PTGFR: variants seen among roughly 807,000 people sequenced by gnomAD.
PTGFR encodes prostaglandin F2-alpha receptor.
A neutral mutation model predicts 26.2 loss-of-function variants in PTGFR; 15 were observed. The ratio of observed to expected loss-of-function variants is 0.57; its 90% CI spans 0.38 to 0.88. The LOEUF (loss-of-function observed/expected upper bound fraction) is 0.88. PTGFR is among the 40% of genes least tolerant of loss of function. The pLI is 0.00. For synonymous variants in PTGFR, 165 were observed against 151.1 expected (o/e 1.09, Z -0.68); for missense variants, 369 against 427.2 (o/e 0.86, Z 1.20).
chr1:78,513,292 C>T (rs879346512), intron 2 of PTGFR, among the ~76,000 whole-genome samples: 3 of 151,726 alleles, frequency 2.0e-5, no homozygotes, highest in East Asian at 1.9e-4. Flanking sequence ...GATGGAAATA[C>T]GGACAAAGAA....
intron 2 of PTGFR, among the ~76,000 whole-genome samples, chr1:78,527,933 T>C (rs1246995048): frequency 6.6e-6 from 1 of 152,008 alleles, no homozygotes; most frequent in Non-Finnish European, 1.5e-5. Flanking sequence ...AGTTGACGGT[T>C]TAATGGAGTC....
chr1:78,520,050 T>G (rs1165066312), intron 2 of PTGFR, among the ~76,000 whole-genome samples: 4 of 152,146 alleles, frequency 2.6e-5, no homozygotes, highest in Non-Finnish European at 4.4e-5. Context: ...CTTTTCATGC[T>G]GTGCTTAGTA....
chr1:78,510,871 G>A (rs1008935731), intron 2 of PTGFR, among the ~76,000 whole-genome samples: 2 of 152,166 alleles, frequency 1.3e-5, no homozygotes, highest in African/African-American at 2.4e-5. Context: ...CCCAAAGGGG[G>A]AAATAGGCTA....
In PTGFR at chr1:78,492,765, C is replaced by T. The variant is rs1407878873; in HGVS notation, c.22C>T (p.Gln8Ter). The change falls in exon 2 of 3, where the codon CAG becomes TAG. Residue 8 changes from glutamine (Q) to a stop codon, truncating the protein, a stop_gained. Coordinates refer to ENST00000370757, the MANE Select transcript of PTGFR (RefSeq NM_000959.4). LOFTEE classifies it high-confidence loss of function. Reference sequence around the variant, plus strand: ...AACAATGTCCATGAACAATTCCAAACAGCTAGTGTCTCCTGCAGCTGCGCT... The same window carrying T: ...AACAATGTCCATGAACAATTCCAAATAGCTAGTGTCTCCTGCAGCTGCGCT... MSMNNSK[Q>*]LVSPAAALLS... is the part of the protein sequence containing the mutation. 1 of 1,613,356 alleles carries T rather than the reference C, an allele frequency of 6.2e-7. No homozygotes were observed. The highest frequency in any genetic ancestry group is 2.2e-5 in the East Asian group (1 of 44,882).
intron 2 of PTGFR, among the ~76,000 whole-genome samples, chr1:78,520,673 G>A (rs1650201484): frequency 6.6e-6 from 1 of 151,958 alleles, no homozygotes; most frequent in South Asian, 2.1e-4. Context: ...ATTGGTTTGG[G>A]ATCAATCATG....
Position 78,492,951 on chromosome 1 carries a change from G to A in PTGFR, c.208G>A (p.Ala70Thr), listed in dbSNP as rs772074577. 3.1e-6 allele frequency: 5 copies of A among 1,614,218 alleles called. No homozygotes were observed. The South Asian group carries it at 4.4e-5, about 14-fold the overall frequency. Residue 70 changes from alanine to threonine, a missense_variant, in exon 2 of 3, where the codon GCC becomes ACC. Ala to Thr is a moderately conservative substitution (Grantham distance 58, BLOSUM62 0). Coordinates refer to ENST00000370757, the MANE Select transcript of PTGFR (RefSeq NM_000959.4). Reference protein sequence around the residue: ...QKSKASFLLLASGLVITDFFG... With the variant: ...QKSKASFLLLTSGLVITDFFG... ...GTCCAAGGCATCGTTTCTGCTTTTG[G>A]CCAGTGGCCTGGTAATCACTGATTT...
chr1:78,530,936 C>A lies in PTGFR; in HGVS notation c.799-5470C>A, dbSNP rs567056780. Among the ~76,000 whole-genome samples the A allele has an allele frequency of 5.9e-5, 9 of 152,228 alleles. No homozygotes were observed. The South Asian group carries it at 8.3e-4, about 14-fold the overall frequency. On this transcript the variant is annotated intron_variant, in intron 2 of 2. Transcript: ENST00000370757. ...TTGGCAATATCAGAAAGATAGCAACCACCTCTGGGGGTTTTAGGAGGATGA... is the reference window on the plus strand; with the variant it reads ...TTGGCAATATCAGAAAGATAGCAACAACCTCTGGGGGTTTTAGGAGGATGA...
chr1:78,497,590 T>C (rs2100351810), intron 2 of PTGFR, among the ~76,000 whole-genome samples: 2 of 152,284 alleles, frequency 1.3e-5, no homozygotes, highest in Middle Eastern at 6.8e-3. Flanking sequence ...TATGCAAGCC[T>C]AAAAGGAATT....
In PTGFR at chr1:78,536,526, C is replaced by G; in HGVS notation, c.919C>G (p.Leu307Val). The change falls in exon 3 of 3, where the codon CTA (leucine) becomes GTA (valine). Residue 307 changes from leucine (L) to valine (V), a missense_variant. Physicochemically the swap from Leu to Val is conservative, Grantham distance 32. Coordinates refer to ENST00000370757, the MANE Select transcript of PTGFR (RefSeq NM_000959.4). ...CTTAGATCCTTGGGTATATATTCTT[C>G]TACGAAAGGCTGTCCTTAAGAATCT... Reference protein sequence around the residue: ...QILDPWVYILLRKAVLKNLYK... With the variant: ...QILDPWVYILVRKAVLKNLYK... The G allele has an allele frequency of 6.2e-7, 1 of 1,613,314 alleles. No homozygotes were observed. Among genetic ancestry groups the G allele is most frequent in the Non-Finnish European group, 8.5e-7 (1 of 1,179,476 alleles).
intron 2 of PTGFR, among the ~76,000 whole-genome samples, chr1:78,503,464 G>A (rs1016603517): frequency 3.9e-5 from 6 of 152,220 alleles, no homozygotes; most frequent in African/African-American, 9.6e-5. Context: ...GTTCATTTAC[G>A]TTTTCATTTA....
In PTGFR at chr1:78,492,711, T is replaced by G. The variant is rs762936038; in HGVS notation, c.-33T>G. ...ATCCTGCACAGTTTTGAGAGGGAGA[T>G]GACTTGAGTGGTTGGCTTTTATCTC... On this transcript the variant is annotated 5_prime_UTR_variant, in exon 2 of 3. It removes an upstream start codon present in the reference 5' UTR. Coordinates refer to ENST00000370757, the MANE Select transcript of PTGFR (RefSeq NM_000959.4). 6 of 1,572,302 alleles carry G rather than the reference T, an allele frequency of 3.8e-6. No homozygotes were observed. The African/African-American group carries it at 5.4e-5, about 14-fold the overall frequency.
intron 2 of PTGFR, among the ~76,000 whole-genome samples, chr1:78,498,134 G>C (rs1649604019): frequency 6.6e-6 from 1 of 152,182 alleles, no homozygotes. Flanking sequence ...AAAGGTATTG[G>C]CTTCATAATG....
rs1389473229 is a variant in PTGFR at position 78,538,361 on chromosome 1, C to T, written c.*1674C>T. ...CTGTATTGCCATGATGTCACCCTGG[C>T]CATGTGTACTGACTTGAGGAGATCT... is the stretch of plus-strand genomic sequence containing the variant. On this transcript the variant is annotated 3_prime_UTR_variant, in exon 3 of 3. Coordinates refer to ENST00000370757, the MANE Select transcript of PTGFR (RefSeq NM_000959.4). 1.3e-5 allele frequency: 2 copies of T among 151,900 alleles called. No homozygotes were observed. Among genetic ancestry groups the T allele is most frequent in the African/African-American group, 4.8e-5 (2 of 41,356 alleles). 9.4% of individuals were successfully genotyped at this position (151,900 alleles called of 1,614,324 possible).
At chr1:78,513,305 A>G (rs1233136630) in intron 2 of PTGFR, among the ~76,000 whole-genome samples, 1 of 152,156 alleles carries the variant, frequency 6.6e-6, no homozygotes, top group East Asian at 1.9e-4. Flanking sequence ...ACAAAGAAGG[A>G]CAAGCTGATG....
chr1:78,509,647 C>A (rs1649916704), intron 2 of PTGFR, among the ~76,000 whole-genome samples: 1 of 152,184 alleles, frequency 6.6e-6, no homozygotes, highest in Non-Finnish European at 1.5e-5. Context: ...TGAAATCTAG[C>A]TTTCCTGGAT....
rs572357814 is a variant in PTGFR, at chr1:78,491,817, G to C, written c.-73+581G>C. On this transcript the variant is annotated intron_variant, in intron 1 of 2. Coordinates refer to ENST00000370757, the MANE Select transcript of PTGFR (RefSeq NM_000959.4). ...CAGCCTCCGGGAAAGCTAGCTGCTC[G>C]GGAAACGCCAATCGAATTAGCTCAG... 3.9e-5 allele frequency among the ~76,000 whole-genome samples: 6 copies of C among 152,284 alleles called. No individual in the cohort carries two copies. In the East Asian group the frequency reaches 7.8e-4, roughly 20 times the overall value.
At chr1:78,518,560 T>C (rs1057404089) in intron 2 of PTGFR, among the ~76,000 whole-genome samples, 2 of 135,428 alleles carry the variant, frequency 1.5e-5, no homozygotes, top group African/African-American at 2.8e-5. Context: ...GTCATTACAG[T>C]ATAAAAGACA....
chr1:78,492,633 T>G, intron 1 of PTGFR, 39 bp from the exon 2 acceptor site: 2 of 1,044,820 alleles, frequency 1.9e-6, no homozygotes, highest in Admixed American at 2.7e-5. Flanking sequence ...AGATGAGCAG[T>G]AATGCGGTGT....
At chr1:78,524,185 G>A (rs1199508252) in intron 2 of PTGFR, among the ~76,000 whole-genome samples, 1 of 151,984 alleles carries the variant, frequency 6.6e-6, no homozygotes, top group Non-Finnish European at 1.5e-5. Flanking sequence ...ACCTGTCCCT[G>A]TATGCATCCT....
Sources: allele counts gnomAD v4.1 joint callset (sites outside exome capture counted in the v4.1 genomes callset), GRCh38; gene constraint gnomAD v4.1.1; transcripts MANE v1.5; gene names NCBI Gene and HGNC (gene_info 2026-07-23, HGNC 2026-07-21).